The following MINAR2 variants were observed in gnomAD, a reference collection of about 807,000 sequenced individuals.
MINAR2 encodes the protein membrane integral NOTCH2 associated receptor 2, also known as major intrinsically disordered NOTCH2-binding receptor 1-like.
Under a neutral mutation model 16.1 loss-of-function variants are expected in MINAR2, and 21 were observed. That is an observed-to-expected ratio of 1.31 (90% CI 0.93 to 1.88). MINAR2 has a LOEUF of 1.88. Ranked by LOEUF, MINAR2 falls within the 40% of genes most tolerant of loss-of-function variation. MINAR2 has a pLI of 0.00. For synonymous variants in MINAR2, 86 were observed against 83.0 expected, an observed-to-expected ratio of 1.04 and a Z score of -0.20; for missense variants, 259 against 229.8, an observed-to-expected ratio of 1.13 and a Z score of -0.82.
intron 1 of MINAR2, among the ~76,000 whole-genome samples, chr5:129,749,579 GT>G (rs1248358967): frequency 6.6e-6 from 1 of 151,752 alleles, no homozygotes; most frequent in Non-Finnish European, 1.5e-5. Flanking sequence ...CTTTTTTTAA[GT>G]TTTAAATGAA....
chr5:129,760,399 G>T lies in MINAR2; in HGVS notation c.187G>T (p.Ala63Ser). ...YSQREKKNIA[A>S]QRIRGSSADS... ...TTAGAGGGAAAAGAAGAATATTGCT[G>T]CTCAACGAATTAGGGGATCCAGTGC... Residue 63 changes from alanine (A) to serine (S), a missense_variant, in exon 2 of 3, where the codon GCT (alanine) becomes TCT (serine). Transcript: ENST00000564719. The T allele has an allele frequency of 6.5e-7, 1 of 1,535,570 alleles. No individual in the cohort carries two copies. The highest frequency in any genetic ancestry group is 2.4e-5 in the East Asian group (1 of 40,920).
At chr5:129,753,834 GAAAGAAAGAAGAA>G (rs1449178454) in intron 1 of MINAR2, among the ~76,000 whole-genome samples, 1 of 151,566 alleles carries the variant, frequency 6.6e-6, no homozygotes, top group Non-Finnish European at 1.5e-5. Context: ...AAGAAAAAGA[GAAAGAAAGAAGAA>G]AAAGAAAGAA....
intron 1 of MINAR2, among the ~76,000 whole-genome samples, 157 bp downstream of exon 1, chr5:129,748,512 A>G (rs898978785): frequency 1.3e-5 from 2 of 152,130 alleles, no homozygotes; most frequent in African/African-American, 2.4e-5. Flanking sequence ...TAACATTAGG[A>G]ACTTTTCTTT....
intron 1 of MINAR2, among the ~76,000 whole-genome samples, chr5:129,757,942 A>G (rs76191037): frequency 0.035 from 5,260 of 151,840 alleles, 300 homozygotes; most frequent in African/African-American, 0.12. Flanking sequence ...TTCTTCCTGA[A>G]TTACATTTTT....
intron 2 of MINAR2, chr5:129,762,517 C>T: frequency 3.3e-6 from 1 of 304,612 alleles, no homozygotes; most frequent in Non-Finnish European, 6.7e-6. Context: ...CTATGATACT[C>T]TTCATTCTCC....
chr5:129,754,318 T>C (rs528372524), intron 1 of MINAR2, among the ~76,000 whole-genome samples: 2 of 152,180 alleles, frequency 1.3e-5, no homozygotes, highest in African/African-American at 2.4e-5. Flanking sequence ...CAATCAAATA[T>C]GTGCTTTAGA....
Position 129,760,514 on chromosome 5 carries a change from A to C in MINAR2, c.302A>C (p.Glu101Ala). 1.3e-6 allele frequency: 2 copies of C among 1,535,734 alleles called. No homozygotes were observed. The highest frequency in any genetic ancestry group is 1.4e-5 in the African/African-American group (1 of 73,102). ...NPLYGDLSLE[E>A]AMEERKKNPS... ...CTCTATGGTGACCTAAGTTTGGAGG[A>C]AGCTATGGAAGAAAGAAAAAAGAAC... Residue 101 changes from glutamate to alanine, a missense_variant, in exon 2 of 3, where the codon GAA becomes GCA. Coordinates refer to ENST00000564719, the MANE Select transcript of MINAR2 (RefSeq NM_001257308.2).
At chr5:129,755,461 T>C (rs1442923653) in intron 1 of MINAR2, among the ~76,000 whole-genome samples, 2 of 152,106 alleles carry the variant, frequency 1.3e-5, no homozygotes, top group Non-Finnish European at 2.9e-5. Flanking sequence ...TGTTCTTAAA[T>C]GTGTGTGTTT....
At chr5:129,752,866 A>G (rs1758003005) in intron 1 of MINAR2, among the ~76,000 whole-genome samples, 1 of 151,578 alleles carries the variant, frequency 6.6e-6, no homozygotes, top group South Asian at 2.1e-4. Flanking sequence ...CTCCTTTGTT[A>G]TATCTTTTCC....
chr5:129,750,729 T>G (rs1272818432), intron 1 of MINAR2, among the ~76,000 whole-genome samples: 2 of 152,230 alleles, frequency 1.3e-5, no homozygotes, highest in East Asian at 3.8e-4. Context: ...TTCATTAGAA[T>G]TTATTAGCAG....
chr5:129,755,633 C>G (rs1758045540), intron 1 of MINAR2, among the ~76,000 whole-genome samples: 1 of 151,890 alleles, frequency 6.6e-6, no homozygotes, highest in Admixed American at 6.6e-5. Flanking sequence ...CTGATTGTTT[C>G]TTAATTTCTG....
chr5:129,764,988 T>TC lies in MINAR2; in HGVS notation c.499dup (p.Arg167ProfsTer35). On this transcript the variant is annotated frameshift_variant, in exon 3 of 3. Coordinates refer to ENST00000564719, the MANE Select transcript of MINAR2 (RefSeq NM_001257308.2). LOFTEE classifies it high-confidence loss of function. ...AACAAGAGAAGCATTCAAAATTCTGTCGTATGGGTCTGATTTTACTTGTCG... is the reference window on the plus strand; with the variant it reads ...AACAAGAGAAGCATTCAAAATTCTGTCCGTATGGGTCTGATTTTACTTGTCG... 4 of 1,397,634 alleles carry TC rather than the reference T, an allele frequency of 2.9e-6. No individual in the cohort carries two copies. The highest frequency in any genetic ancestry group is 3.7e-6 in the Non-Finnish European group (4 of 1,073,984). The allele number at this position is 1,397,634 out of a possible 1,614,324, so 86.6% of individuals were successfully genotyped here.
intron 2 of MINAR2, chr5:129,762,594 C>G: frequency 3.0e-6 from 1 of 336,864 alleles, no homozygotes; most frequent in South Asian, 3.3e-5. Flanking sequence ...TCACCATTGC[C>G]AGCAGCAGCA....
At chr5:129,751,618 A>T (rs1003004473) in intron 1 of MINAR2, among the ~76,000 whole-genome samples, 1 of 152,200 alleles carries the variant, frequency 6.6e-6, no homozygotes, top group Non-Finnish European at 1.5e-5. Flanking sequence ...GAGTATACAC[A>T]GATATTATTT....
intron 2 of MINAR2, among the ~76,000 whole-genome samples, chr5:129,764,116 A>C (rs562697944): frequency 1.3e-5 from 2 of 152,362 alleles, no homozygotes; most frequent in South Asian, 4.1e-4. Context: ...ATGTATGGAC[A>C]ATAGACTTTG....
rs1016167827 is a variant in MINAR2, at chr5:129,748,343, T to C, written c.153T>C (p.Leu51=). The C allele has an allele frequency of 1.7e-5, 26 of 1,534,852 alleles. No homozygotes were observed. The highest frequency in any genetic ancestry group is 1.7e-4 in the Middle Eastern group (1 of 5,946). The stretch of plus-strand genomic sequence containing the variant: ...CTGCTGCACAACACTGGCAAAACCT[T>C]GTCTACTCACAGGTAAGATCTAGGG... The part of the protein sequence containing the change: ...NYPAAQHWQN[L]VYSQREKKNI... Residue 51 remains leucine (L), a synonymous_variant, in exon 1 of 3, where the codon CTT becomes CTC. Transcript: ENST00000564719.
Position 129,765,091 on chromosome 5 carries a change from A to C in MINAR2, c.*28A>C. 2 of 1,239,088 alleles carry C rather than the reference A, an allele frequency of 1.6e-6. No homozygotes were observed. The highest frequency in any genetic ancestry group is 1.0e-6 in the Non-Finnish European group (1 of 987,962). The allele number at this position is 1,239,088 out of a possible 1,614,324, so 76.8% of individuals were successfully genotyped here. A position where few individuals can be genotyped will look rare whatever the true frequency, so the allele number is the denominator to read the frequency against. ...AAACTGCAACAATCAGAGCTACTTTAAATTTCCTAAAAATTTTTCTGATAA... is the reference window on the plus strand; with the variant it reads ...AAACTGCAACAATCAGAGCTACTTTCAATTTCCTAAAAATTTTTCTGATAA... On this transcript the variant is annotated 3_prime_UTR_variant, in exon 3 of 3. Coordinates refer to ENST00000564719, the MANE Select transcript of MINAR2 (RefSeq NM_001257308.2).
intron 1 of MINAR2, among the ~76,000 whole-genome samples, chr5:129,755,814 T>C (rs1474374794): frequency 2.0e-5 from 3 of 152,088 alleles, no homozygotes; most frequent in African/African-American, 7.2e-5. Flanking sequence ...TAATATGTGT[T>C]GATTCTGTCT....
rs1385653713 is a variant in MINAR2, at chr5:129,748,280, T to A, written c.90T>A (p.Leu30=). 8 of 1,535,154 alleles carry A rather than the reference T, an allele frequency of 5.2e-6. No individual in the cohort carries two copies. Among genetic ancestry groups the A allele is most frequent in the Non-Finnish European group, 7.0e-6 (8 of 1,146,600 alleles). Residue 30 remains leucine (L), a synonymous_variant, in exon 1 of 3, where the codon CTT becomes CTA. Transcript: ENST00000564719. ...VKSLTRSSAL[L]QASLVRFPGG... ...CTTTAACGAGGAGCTCAGCCCTCCT[T>A]CAGGCCAGCCTGGTGAGGTTTCCGG...
Sources: allele counts gnomAD v4.1 joint callset (sites outside exome capture counted in the v4.1 genomes callset), GRCh38; gene constraint gnomAD v4.1.1; transcripts MANE v1.5; gene names NCBI Gene and HGNC (gene_info 2026-07-23, HGNC 2026-07-21).